LAMA2: variants seen among roughly 807,000 people sequenced by gnomAD.
LAMA2 encodes laminin subunit alpha-2.
A neutral mutation model predicts 364.8 loss-of-function variants in LAMA2; 269 were observed. The ratio of observed to expected loss-of-function variants is 0.74; its 90% CI spans 0.67 to 0.82. The LOEUF (loss-of-function observed/expected upper bound fraction) is 0.82. LAMA2 is among the 40% of genes least tolerant of loss of function. The probability of loss-of-function intolerance (pLI) is 0.00; values close to 1 mark genes in which losing one functional copy is unlikely to be tolerated. For synonymous variants in LAMA2, 1,379 were observed against 1,370.6 expected, an observed-to-expected ratio of 1.01 and a Z score of -0.14; for missense variants, 3,807 against 3,873.2, an observed-to-expected ratio of 0.98 and a Z score of 0.45.
At chr6:129,199,033 T>C (rs1053679637) in intron 12 of LAMA2, among the ~76,000 whole-genome samples, 1 of 152,092 alleles carries the variant, frequency 6.6e-6, no homozygotes, top group African/African-American at 2.4e-5. Context: ...TATAAAATCT[T>C]GACAAGAGGA....
chr6:129,160,565 T>C (rs1338287121), intron 8 of LAMA2, among the ~76,000 whole-genome samples: 1 of 151,982 alleles, frequency 6.6e-6, no homozygotes, highest in East Asian at 1.9e-4. Flanking sequence ...TGTGTTTTTA[T>C]TGATTCTGTT....
At chr6:128,950,561 C>T (rs900418264) in intron 1 of LAMA2, among the ~76,000 whole-genome samples, 1 of 152,066 alleles carries the variant, frequency 6.6e-6, no homozygotes, top group Non-Finnish European at 1.5e-5. Flanking sequence ...GATAAAGAGT[C>T]AACATCTGGG....
At chr6:129,174,855 C>G (rs142048411) in intron 9 of LAMA2, among the ~76,000 whole-genome samples, 3 of 152,260 alleles carry the variant, frequency 2.0e-5, no homozygotes, top group Admixed American at 2.0e-4. Context: ...ACCTACCTAT[C>G]TATTTTTCTA....
chr6:128,975,250 C>A (rs1782454115), intron 1 of LAMA2, among the ~76,000 whole-genome samples: 1 of 152,062 alleles, frequency 6.6e-6, no homozygotes, highest in Admixed American at 6.5e-5. Flanking sequence ...GGCAGAAAAA[C>A]AACAGAATCT....
At chr6:129,280,364 A>C (rs1310589018) in intron 18 of LAMA2, among the ~76,000 whole-genome samples, 1 of 152,148 alleles carries the variant, frequency 6.6e-6, no homozygotes, top group Non-Finnish European at 1.5e-5. Flanking sequence ...TCACTCAGAG[A>C]ATATCTGATT....
chr6:129,174,610 T>C (rs891851605), intron 9 of LAMA2, among the ~76,000 whole-genome samples: 1 of 152,144 alleles, frequency 6.6e-6, no homozygotes, highest in Non-Finnish European at 1.5e-5. Flanking sequence ...CTACCTTATA[T>C]AGGACCTAGA....
chr6:129,096,650 G>T (rs1327223418), intron 3 of LAMA2, among the ~76,000 whole-genome samples: 1 of 152,206 alleles, frequency 6.6e-6, no homozygotes. Context: ...CTATGCTGGG[G>T]TCAATCAGAT....
chr6:129,076,015 G>A (rs1481523035), intron 3 of LAMA2, among the ~76,000 whole-genome samples: 4 of 152,082 alleles, frequency 2.6e-5, no homozygotes, highest in African/African-American at 9.7e-5. Flanking sequence ...GGGTCCAGGA[G>A]GTCAAGGCTG....
At chr6:129,186,387 C>T (rs191242903) in intron 10 of LAMA2, among the ~76,000 whole-genome samples, 63 of 151,738 alleles carry the variant, frequency 4.2e-4, no homozygotes, top group African/African-American at 1.4e-3. Context: ...CCCATCTATG[C>T]TTTAGGGACT....
Position 129,486,580 on chromosome 6 carries a change from A to T in LAMA2, c.7856A>T (p.His2619Leu). ...IVIRPEPNLF[H>L]DGREHSVHVE... ...ATCAGACCAGAGCCGAATCTGTTTC[A>T]TGATGGAAGAGAACATTCCGTTCAT... The change falls in exon 56 of 65, where the codon CAT becomes CTT. Residue 2619 changes from histidine to leucine, a missense_variant. This residue lies in a region of LAMA2 where 3,333 missense variants were observed against 3,345.7 expected (regional missense o/e 1.00). Coordinates refer to ENST00000421865, the MANE Select transcript of LAMA2 (RefSeq NM_000426.4). 6.2e-7 allele frequency: 1 copy of T among 1,614,000 alleles called. No homozygotes were observed. Among genetic ancestry groups the T allele is most frequent in the Non-Finnish European group, 8.5e-7 (1 of 1,179,866 alleles).
At chr6:128,986,107 A>G (rs998276007) in intron 1 of LAMA2, among the ~76,000 whole-genome samples, 1 of 152,160 alleles carries the variant, frequency 6.6e-6, no homozygotes, top group African/African-American at 2.4e-5. Context: ...ATAGATTTTA[A>G]ATATATTTGA....
chr6:128,937,364 A>G (rs1190519672), intron 1 of LAMA2, among the ~76,000 whole-genome samples: 1 of 152,150 alleles, frequency 6.6e-6, no homozygotes, highest in Non-Finnish European at 1.5e-5. Flanking sequence ...GCATTGTATA[A>G]TAGTTACCTC....
chr6:129,235,673 A>G (rs974000317), intron 12 of LAMA2, among the ~76,000 whole-genome samples: 1 of 152,172 alleles, frequency 6.6e-6, no homozygotes, highest in African/African-American at 2.4e-5. Context: ...CCTTTGTTCT[A>G]AAGGGTACCT....
chr6:129,239,646 A>C (rs561095444), intron 12 of LAMA2, among the ~76,000 whole-genome samples: 85 of 152,120 alleles, frequency 5.6e-4, no homozygotes, highest in Non-Finnish European at 1.0e-3. Flanking sequence ...GATACCCTAC[A>C]AAGCAGCACA....
At chr6:129,395,875 G>T (rs1367144147) in intron 37 of LAMA2, among the ~76,000 whole-genome samples, 1 of 152,152 alleles carries the variant, frequency 6.6e-6, no homozygotes, top group Non-Finnish European at 1.5e-5. Flanking sequence ...TGACATTTTG[G>T]GGGAAAGTTC....
chr6:128,922,486 T>G (rs1391676599), intron 1 of LAMA2, among the ~76,000 whole-genome samples: 1 of 151,308 alleles, frequency 6.6e-6, no homozygotes, highest in Non-Finnish European at 1.5e-5. Context: ...TCATGTGTCT[T>G]TTGGCTGCAT....
intron 1 of LAMA2, among the ~76,000 whole-genome samples, chr6:128,953,133 A>T (rs1428751143): frequency 6.6e-6 from 1 of 152,164 alleles, no homozygotes; most frequent in Non-Finnish European, 1.5e-5. Flanking sequence ...ACATTTCCAT[A>T]AATATCAGAG....
At chr6:129,184,701 G>T (rs1354222535) in intron 10 of LAMA2, among the ~76,000 whole-genome samples, 2 of 151,600 alleles carry the variant, frequency 1.3e-5, no homozygotes, top group East Asian at 1.9e-4. Context: ...CTTTTCCTTG[G>T]CACTGAATCC....
chr6:129,314,888 G>A, intron 24 of LAMA2, 90 bp downstream of exon 24: 1 of 1,359,232 alleles, frequency 7.4e-7, no homozygotes, highest in East Asian at 2.3e-5. Context: ...GTAGAAAATG[G>A]CAAAACATTT....
Sources: allele counts gnomAD v4.1 joint callset (sites outside exome capture counted in the v4.1 genomes callset), GRCh38; gene constraint gnomAD v4.1.1; regional missense constraint gnomAD v4.1.1; transcripts MANE v1.5; gene names NCBI Gene and HGNC (gene_info 2026-07-23, HGNC 2026-07-21).